The following FBXL14 variants were observed in gnomAD, a reference collection of about 807,000 sequenced individuals.
FBXL14 encodes F-box/LRR-repeat protein 14.
A neutral mutation model predicts 24.5 loss-of-function variants in FBXL14; 11 were observed. The observed-to-expected ratio is 0.45, with a 90% CI of 0.28 to 0.74. The LOEUF (loss-of-function observed/expected upper bound fraction) is 0.74, where lower values mean the gene tolerates loss of function less well. Ranked by LOEUF, FBXL14 falls within the 30% of genes least tolerant of loss-of-function variation. FBXL14 has a pLI of 0.12. For synonymous variants in FBXL14, 294 were observed against 240.4 expected (o/e 1.22, Z -2.06); for missense variants, 384 against 545.6 (o/e 0.70, Z 2.95).
In FBXL14 at chr12:1,592,214, TATATATATA is replaced by T. The variant is rs1282634965; in HGVS notation, c.1194+650_1194+658del. On this transcript the variant is annotated intron_variant, in intron 1 of 1. Transcript: ENST00000339235. ...TGTATATATATATATATATAATTTA[TATATATATA>T]ATATATAGAATATATTCAGCAGAAA... Among the ~76,000 whole-genome samples the T allele has an allele frequency of 1.1e-4, 16 of 146,956 alleles. No individual in the cohort carries two copies. The East Asian group carries it at 1.8e-3, about 16-fold the overall frequency.
At chr12:1,581,890 T>C (rs2094467054) in intron 1 of FBXL14, among the ~76,000 whole-genome samples, 1 of 152,288 alleles carries the variant, frequency 6.6e-6, no homozygotes, top group South Asian at 2.1e-4. Context: ...TTTGGGAGGC[T>C]GAGGCGGGTA....
At chr12:1,575,634 A>C (rs531620115) in intron 1 of FBXL14, among the ~76,000 whole-genome samples, 3 of 152,154 alleles carry the variant, frequency 2.0e-5, no homozygotes, top group African/African-American at 7.2e-5. Context: ...CTCCAAGCAC[A>C]CTGGGATCCT....
chr12:1,572,668 G>A (rs531487652), intron 1 of FBXL14, among the ~76,000 whole-genome samples: 26 of 152,284 alleles, frequency 1.7e-4, no homozygotes, highest in African/African-American at 6.3e-4. Context: ...CCAGGTTATC[G>A]AGGATCCCGG....
At chr12:1,592,742 T>G in intron 1 of FBXL14, 131 bp downstream of exon 1, 2 of 781,700 alleles carry the variant, frequency 2.6e-6, no homozygotes, top group South Asian at 2.4e-5. Context: ...GCCTGAGGCT[T>G]CTGTCATAGC....
In FBXL14 at chr12:1,594,098, G is replaced by T; in HGVS notation, c.-32C>A. 1.5e-6 allele frequency: 2 copies of T among 1,362,204 alleles called. No individual in the cohort carries two copies. The highest frequency in any genetic ancestry group is 1.9e-6 in the Non-Finnish European group (2 of 1,063,356). The allele number at this position is 1,362,204 out of a possible 1,614,324, so 84.4% of individuals were successfully genotyped here. A position where few individuals can be genotyped will look rare whatever the true frequency, so the allele number is the denominator to read the frequency against. Reference sequence around the variant, plus strand: ...CCTCCCCCCTCCGCGGCGCTGGGGGGAGGAGGCGCGGGCCCCGCCGCTCCG... The same window carrying T: ...CCTCCCCCCTCCGCGGCGCTGGGGGTAGGAGGCGCGGGCCCCGCCGCTCCG... On this transcript the variant is annotated 5_prime_UTR_variant, in exon 1 of 2. Transcript: ENST00000339235.
At chr12:1,582,467 T>G (rs969117357) in intron 1 of FBXL14, among the ~76,000 whole-genome samples, 1 of 152,158 alleles carries the variant, frequency 6.6e-6, no homozygotes, top group African/African-American at 2.4e-5. Flanking sequence ...TGCTTTTCTT[T>G]CCTTTACAAC....
At position 1,594,187 on chromosome 12, in the gene FBXL14, G is replaced by A; in HGVS notation, c.-121C>T. On this transcript the variant is annotated 5_prime_UTR_variant, in exon 1 of 2. Transcript: ENST00000339235. ...CGCCGCCGCCGCCGCCGCCGCCTCGGGCCCAACGGCCGGCCCCTCCCCGCC... is the reference window on the plus strand; with the variant it reads ...CGCCGCCGCCGCCGCCGCCGCCTCGAGCCCAACGGCCGGCCCCTCCCCGCC... The A allele has an allele frequency of 4.4e-6, 2 of 454,106 alleles. No homozygotes were observed. Among genetic ancestry groups the A allele is most frequent in the Admixed American group, 6.1e-5 (1 of 16,318 alleles). The allele number at this position is 454,106 out of a possible 1,614,324, so 28.1% of individuals were successfully genotyped here. A position where few individuals can be genotyped will look rare whatever the true frequency, so the allele number is the denominator to read the frequency against.
At position 1,589,451 on chromosome 12, in the gene FBXL14, AAAAAGAC is replaced by A. The variant is rs1565590066; in HGVS notation, c.1194+3415_1194+3421del. On this transcript the variant is annotated intron_variant, in intron 1 of 1. Coordinates refer to ENST00000339235, the MANE Select transcript of FBXL14 (RefSeq NM_152441.3). ...GACCTTGTCTCAAAAAAAAAAAAAA[AAAAAGAC>A]AGGAAGGCAGGAAGACAGGAAGGAA... 3.0e-4 allele frequency among the ~76,000 whole-genome samples: 41 copies of A among 138,982 alleles called. 1 individual carries two copies. The highest frequency in any genetic ancestry group is 1.3e-3 in the African/African-American group (41 of 31,804). 91.2% of individuals were successfully genotyped at this position (138,982 alleles called of 152,430 possible). A position where few individuals can be genotyped will look rare whatever the true frequency, so the allele number is the denominator to read the frequency against.
intron 1 of FBXL14, among the ~76,000 whole-genome samples, chr12:1,586,234 C>G (rs1473400033): frequency 6.8e-6 from 1 of 147,640 alleles, no homozygotes; most frequent in African/African-American, 2.5e-5. Flanking sequence ...GGTGTGGCAC[C>G]TTTTAAGAAA....
intron 1 of FBXL14, among the ~76,000 whole-genome samples, chr12:1,578,374 C>T (rs945691644): frequency 2.0e-5 from 3 of 152,218 alleles, no homozygotes; most frequent in Admixed American, 1.3e-4. Context: ...GGCGTGGTGG[C>T]TCACACCTGT....
intron 1 of FBXL14, chr12:1,587,658 T>C (rs2094479759): frequency 6.6e-6 from 1 of 152,248 alleles, no homozygotes. Context: ...TTACCTTTGA[T>C]ACTTCATTAA....
chr12:1,581,209 AG>A (rs1311138428), intron 1 of FBXL14, among the ~76,000 whole-genome samples: 1 of 141,548 alleles, frequency 7.1e-6, no homozygotes, highest in Non-Finnish European at 1.6e-5. Context: ...GGACACCTTT[AG>A]GGTGGGGGGT....
At chr12:1,574,944 A>C (rs964738036) in intron 1 of FBXL14, 1 of 152,162 alleles carries the variant, frequency 6.6e-6, no homozygotes, top group Non-Finnish European at 1.5e-5. Flanking sequence ...ATTTAGTAGA[A>C]TATTTTGAAA....
Position 1,593,323 on chromosome 12 carries a change from G to A in FBXL14, c.744C>T (p.His248=), listed in dbSNP as rs781277049. The change falls in exon 1 of 2, where the codon CAC becomes CAT. Residue 248 remains histidine (H), a synonymous_variant. Coordinates refer to ENST00000339235, the MANE Select transcript of FBXL14 (RefSeq NM_152441.3). The surrounding 1 kb of genome is among the most constrained non-coding windows in gnomAD (Gnocchi z 7.4). ...TGCGCAGGCTGCCCATGTGCGACAG[G>A]TGCAGGAGGCCAGCGTCCGAGATTC... The part of the protein sequence containing the change: ...CGGISDAGLL[H]LSHMGSLRSL... 4.3e-6 allele frequency: 7 copies of A among 1,613,526 alleles called. No homozygotes were observed. The highest frequency in any genetic ancestry group is 2.2e-5 in the South Asian group (2 of 91,082).
chr12:1,576,514 C>T (rs2094456228), intron 1 of FBXL14, among the ~76,000 whole-genome samples: 1 of 152,176 alleles, frequency 6.6e-6, no homozygotes, highest in African/African-American at 2.4e-5. Flanking sequence ...ACCTCAGTTC[C>T]CGCTCCTTAT....
chr12:1,591,108 T>C (rs1366973300), intron 1 of FBXL14, among the ~76,000 whole-genome samples: 1 of 152,262 alleles, frequency 6.6e-6, no homozygotes, highest in African/African-American at 2.4e-5. Flanking sequence ...TTCCACGTTG[T>C]TGAAAGTTTA....
At chr12:1,581,457 G>T (rs1252639672) in intron 1 of FBXL14, among the ~76,000 whole-genome samples, 1 of 152,182 alleles carries the variant, frequency 6.6e-6, no homozygotes, top group Non-Finnish European at 1.5e-5. Context: ...CTGGAGTCAC[G>T]TGGTTTGGAT....
intron 1 of FBXL14, among the ~76,000 whole-genome samples, chr12:1,577,567 C>T (rs1353368263): frequency 2.6e-5 from 4 of 152,244 alleles, no homozygotes; most frequent in Non-Finnish European, 4.4e-5. Flanking sequence ...CTCACCTGCC[C>T]CCGCCCCCAG....
intron 1 of FBXL14, among the ~76,000 whole-genome samples, chr12:1,587,737 T>C (rs1464381834): frequency 6.6e-6 from 1 of 152,220 alleles, no homozygotes; most frequent in East Asian, 1.9e-4. Flanking sequence ...TTTTAAAAAA[T>C]TTAACTTGCT....
Sources: gnomAD v4.1 joint callset for allele counts (sites outside exome capture counted in the v4.1 genomes callset) on GRCh38, gnomAD v4.1.1 for gene constraint, Gnocchi (gnomAD v3.1) non-coding constraint, MANE v1.5 for transcripts, NCBI Gene and HGNC (gene_info 2026-07-23, HGNC 2026-07-21) for gene names.